Variants in ATG13 observed in about 807,000 individuals in gnomAD.
ATG13 encodes autophagy-related protein 13.
Under a neutral mutation model 65.5 loss-of-function variants are expected in ATG13, and 23 were observed. That is an observed-to-expected ratio of 0.35 (90% CI 0.25 to 0.50). The LOEUF is 0.50. Ranked by LOEUF, ATG13 falls within the 20% of genes least tolerant of loss-of-function variation. The pLI, the probability that ATG13 is intolerant of heterozygous loss-of-function variation, is 0.98. For missense variants in ATG13, 566 were observed against 677.0 expected (o/e 0.84, Z 1.82); for synonymous variants, 252 against 245.2 (o/e 1.03, Z -0.26).
Position 46,664,864 on chromosome 11 carries a change from C to G in ATG13, c.904C>G (p.Leu302Val). 1 of 1,613,958 alleles carries G rather than the reference C, an allele frequency of 6.2e-7. No homozygotes were observed. Among genetic ancestry groups the G allele is most frequent in the Non-Finnish European group, 8.5e-7 (1 of 1,179,842 alleles). ...AFSHQLSSSR[L>V]SYQPAALGVG... Reference sequence around the variant, plus strand: ...TCTTGCTTAGCTCTCAAGCTCTCGCCTTTCCTATCAGCCTGCTGCCCTGGG... The same window carrying G: ...TCTTGCTTAGCTCTCAAGCTCTCGCGTTTCCTATCAGCCTGCTGCCCTGGG... Residue 302 changes from leucine (L) to valine (V), a missense_variant, in exon 13 of 19, where the codon CTT becomes GTT. Around this residue, in one of 2 missense-constraint regions of ATG13, gnomAD observed 387 missense variants for 409.8 expected, o/e 0.94. Transcript: ENST00000683050.
chr11:46,630,188 G>A (rs1034777021), intron 2 of ATG13, 88 bp downstream of exon 2: 4 of 152,272 alleles, frequency 2.6e-5, no homozygotes, highest in African/African-American at 4.8e-5. Flanking sequence ...AGAATAGAAT[G>A]GGAAAAGCTG....
intron 1 of ATG13, among the ~76,000 whole-genome samples, chr11:46,620,802 C>T (rs899807652): frequency 4.6e-5 from 7 of 151,858 alleles, no homozygotes; most frequent in Non-Finnish European, 8.8e-5. Flanking sequence ...ACTCAATTAA[C>T]GTGCATGGTT....
chr11:46,644,084 G>T (rs1239421612), intron 2 of ATG13, among the ~76,000 whole-genome samples, 195 bp from the exon 3 acceptor site: 1 of 152,122 alleles, frequency 6.6e-6, no homozygotes, highest in African/African-American at 2.4e-5. Context: ...ATGTAGCTCA[G>T]TGTGGAATCT....
chr11:46,645,315 C>T (rs2057238275), intron 3 of ATG13, 24 bp from the exon 4 acceptor site: 1 of 1,593,462 alleles, frequency 6.3e-7, no homozygotes, highest in Non-Finnish European at 8.5e-7. Context: ...TTTAGGATTT[C>T]TTTTGTGTTT....
intron 1 of ATG13, among the ~76,000 whole-genome samples, chr11:46,628,707 A>G (rs1037321259): frequency 2.0e-5 from 3 of 152,196 alleles, no homozygotes; most frequent in Non-Finnish European, 2.9e-5. Context: ...TATATCTAAC[A>G]GTCTTCTCTA....
At chr11:46,639,723 A>G (rs1202450354) in intron 2 of ATG13, among the ~76,000 whole-genome samples, 1 of 151,998 alleles carries the variant, frequency 6.6e-6, no homozygotes, top group Non-Finnish European at 1.5e-5. Context: ...TGGTCAAAGT[A>G]TGCAGGGTAA....
At position 46,672,443 on chromosome 11, in the gene ATG13, G is replaced by A. The variant is rs968018100; in HGVS notation, c.*111G>A. Reference sequence around the variant, plus strand: ...ATCCTGCTCTGAGCCAGGTGGAAGGGAGGCTGGCTTCTCCCATGGGGACCC... The same window carrying A: ...ATCCTGCTCTGAGCCAGGTGGAAGGAAGGCTGGCTTCTCCCATGGGGACCC... On this transcript the variant is annotated 3_prime_UTR_variant, in exon 19 of 19. Coordinates refer to ENST00000683050, the MANE Select transcript of ATG13 (RefSeq NM_001346311.2). The A allele has an allele frequency of 3.2e-5, 50 of 1,586,074 alleles. No homozygotes were observed. In the African/African-American group the frequency reaches 4.7e-4, roughly 15 times the overall value.
At chr11:46,643,467 C>T (rs1270008327) in intron 2 of ATG13, among the ~76,000 whole-genome samples, 3 of 152,146 alleles carry the variant, frequency 2.0e-5, no homozygotes, top group Non-Finnish European at 1.5e-5. Context: ...ATACTCAATC[C>T]TTTGGAAAAC....
intron 10 of ATG13, 39 bp downstream of exon 10, chr11:46,657,661 G>A (rs1390801858): frequency 6.6e-7 from 1 of 1,505,896 alleles, no homozygotes; most frequent in African/African-American, 1.4e-5. Flanking sequence ...AACTGCAGCT[G>A]GGCAGAAGCA....
intron 17 of ATG13, 36 bp downstream of exon 17, chr11:46,668,946 C>G: frequency 2.0e-6 from 3 of 1,513,872 alleles, no homozygotes; most frequent in Non-Finnish European, 2.7e-6. Context: ...CTTTGCTGTC[C>G]CGGGGAACTA....
Position 46,672,933 on chromosome 11 carries a change from C to T in ATG13, c.*601C>T. 1 of 713,382 alleles carries T rather than the reference C, an allele frequency of 1.4e-6. No homozygotes were observed. Among genetic ancestry groups the T allele is most frequent in the Non-Finnish European group, 2.0e-6 (1 of 512,642 alleles). 44.2% of individuals were successfully genotyped at this position (713,382 alleles called of 1,614,324 possible). A position where few individuals can be genotyped will look rare whatever the true frequency, so the allele number is the denominator to read the frequency against. ...GGCCTGCCTACCCAAGATCAGAACT[C>T]CAAAACCACTCCCACCCCTGAAGGT... On this transcript the variant is annotated 3_prime_UTR_variant, in exon 19 of 19. Coordinates refer to ENST00000683050, the MANE Select transcript of ATG13 (RefSeq NM_001346311.2).
chr11:46,621,810 C>G (rs143305616), intron 1 of ATG13, among the ~76,000 whole-genome samples: 84 of 151,968 alleles, frequency 5.5e-4, no homozygotes, highest in African/African-American at 2.0e-3. Context: ...CCTATTCTTA[C>G]TCTCATGTGT....
intron 18 of ATG13, among the ~76,000 whole-genome samples, chr11:46,671,344 TC>T (rs2063682485): frequency 6.6e-6 from 1 of 152,226 alleles, no homozygotes; most frequent in South Asian, 2.1e-4. Flanking sequence ...TAGTTGATAC[TC>T]TAGGACAGTT....
Position 46,650,188 on chromosome 11 carries a change from A to T in ATG13, c.329A>T (p.Glu110Val). The change falls in exon 7 of 19, where the codon GAA (glutamate) becomes GTA (valine). Residue 110 changes from glutamate to valine, a missense_variant. By Grantham distance (121) the Glu-to-Val change is moderately radical. Coordinates refer to ENST00000683050, the MANE Select transcript of ATG13 (RefSeq NM_001346311.2). ...TTTGTGCCTGGCAGGTGTGATAAAGAAATCAAAGTTTCCTACACGGTGTAC... is the reference window on the plus strand; with the variant it reads ...TTTGTGCCTGGCAGGTGTGATAAAGTAATCAAAGTTTCCTACACGGTGTAC... ...CLEMNEKCDK[E>V]IKVSYTVYNR... 6.2e-7 allele frequency: 1 copy of T among 1,613,908 alleles called. No individual in the cohort carries two copies. Among genetic ancestry groups the T allele is most frequent in the Non-Finnish European group, 8.5e-7 (1 of 1,179,834 alleles).
At chr11:46,635,776 A>G (rs1047909891) in intron 2 of ATG13, among the ~76,000 whole-genome samples, 2 of 152,188 alleles carry the variant, frequency 1.3e-5, no homozygotes, top group Non-Finnish European at 2.9e-5. Flanking sequence ...TTTTGGCTCA[A>G]TAACTGTAGT....
chr11:46,667,862 C>T lies in ATG13; in HGVS notation c.1226C>T (p.Ala409Val), dbSNP rs754960669. The change falls in exon 15 of 19, where the codon GCT becomes GTT. Residue 409 changes from alanine (A) to valine (V), a missense_variant. Ala to Val is a moderately conservative substitution (Grantham distance 64). Around this residue, in one of 2 missense-constraint regions of ATG13, gnomAD observed 387 missense variants for 409.8 expected, o/e 0.94. Transcript: ENST00000683050. ...ACCATCTTTGTCCGAAAAGTGGGGGCTTTTGTCAACAAACCCATTAACCAG... is the reference window on the plus strand; with the variant it reads ...ACCATCTTTGTCCGAAAAGTGGGGGTTTTTGTCAACAAACCCATTAACCAG... ...LETIFVRKVG[A>V]FVNKPINQVT... 2 of 1,612,472 alleles carry T rather than the reference C, an allele frequency of 1.2e-6. No individual in the cohort carries two copies. Among genetic ancestry groups the T allele is most frequent in the African/African-American group, 1.3e-5 (1 of 74,900 alleles).
At chr11:46,669,172 T>C (rs1258355358) in intron 17 of ATG13, among the ~76,000 whole-genome samples, 1 of 152,178 alleles carries the variant, frequency 6.6e-6, no homozygotes, top group Non-Finnish European at 1.5e-5. Context: ...TTAGGTCCTA[T>C]TCGTGGCTAG....
intron 7 of ATG13, among the ~76,000 whole-genome samples, chr11:46,655,137 C>G (rs546478940): frequency 6.6e-6 from 1 of 151,734 alleles, no homozygotes; most frequent in Non-Finnish European, 1.5e-5. Context: ...CAGTGGCTCA[C>G]GCCTGTAATC....
chr11:46,662,647 A>G (rs1444545911), intron 11 of ATG13, among the ~76,000 whole-genome samples: 1 of 152,246 alleles, frequency 6.6e-6, no homozygotes, highest in African/African-American at 2.4e-5. Context: ...ATTTGGTACA[A>G]AAATACTCAA....
Sources: allele counts gnomAD v4.1 joint callset (sites outside exome capture counted in the v4.1 genomes callset), GRCh38; gene constraint gnomAD v4.1.1; regional missense constraint gnomAD v4.1.1; transcripts MANE v1.5; gene names NCBI Gene and HGNC (gene_info 2026-07-23, HGNC 2026-07-21).